Variants in HS3ST5 observed in about 807,000 individuals in gnomAD.
The protein encoded by HS3ST5 is heparan sulfate-glucosamine 3-sulfotransferase 5.
In HS3ST5, 10 loss-of-function variants were observed where a neutral mutation model predicts 25.4. That is an observed-to-expected ratio of 0.39 (90% CI 0.24 to 0.67). The LOEUF is 0.67. HS3ST5 is among the 30% of genes least tolerant of loss of function. HS3ST5 has a pLI of 0.44. For missense variants in HS3ST5, 324 were observed against 420.7 expected (o/e 0.77, Z 2.01); for synonymous variants, 170 against 162.4 (o/e 1.05, Z -0.36).
intron 1 of HS3ST5, among the ~76,000 whole-genome samples, chr6:114,290,703 GA>G (rs1288914917): frequency 6.6e-6 from 1 of 152,024 alleles, no homozygotes; most frequent in Admixed American, 6.5e-5. Flanking sequence ...GGCTCATTGG[GA>G]ACACATTTTT....
chr6:114,135,233 C>G (rs138317799), intron 3 of HS3ST5, among the ~76,000 whole-genome samples: 2 of 152,300 alleles, frequency 1.3e-5, no homozygotes, highest in African/African-American at 4.8e-5. Flanking sequence ...TTTCCTACAC[C>G]CTGATCATTC....
chr6:114,098,527 T>C (rs1775560294), intron 3 of HS3ST5, among the ~76,000 whole-genome samples: 1 of 148,506 alleles, frequency 6.7e-6, no homozygotes, highest in Admixed American at 6.7e-5. Context: ...TATTTATCAC[T>C]ATCAAATATA....
intron 2 of HS3ST5, among the ~76,000 whole-genome samples, chr6:114,208,849 A>T (rs1283420482): frequency 6.6e-6 from 1 of 152,148 alleles, no homozygotes; most frequent in African/African-American, 2.4e-5. Flanking sequence ...GTTCATTGTA[A>T]ATCATGATGC....
At chr6:114,325,249 G>C (rs560689236) in intron 1 of HS3ST5, among the ~76,000 whole-genome samples, 4 of 152,268 alleles carry the variant, frequency 2.6e-5, no homozygotes, top group African/African-American at 9.6e-5. Context: ...TAGTTACTCA[G>C]TCACAATTGA....
chr6:114,176,557 GT>G (rs1779732613), intron 2 of HS3ST5, among the ~76,000 whole-genome samples: 1 of 152,142 alleles, frequency 6.6e-6, no homozygotes. Flanking sequence ...CAAGGGTTAT[GT>G]ATACATGCAT....
At chr6:114,079,149 G>T (rs915140468) in intron 3 of HS3ST5, among the ~76,000 whole-genome samples, 3 of 152,146 alleles carry the variant, frequency 2.0e-5, no homozygotes, top group African/African-American at 7.2e-5. Flanking sequence ...GATCAAAATT[G>T]GGGTAGCTGT....
chr6:114,239,787 A>G (rs533443820), intron 1 of HS3ST5, among the ~76,000 whole-genome samples: 1 of 152,256 alleles, frequency 6.6e-6, no homozygotes, highest in East Asian at 1.9e-4. Context: ...GGGGCTTAAT[A>G]TCCAGAAATA....
At chr6:114,222,743 T>C (rs1582732296) in intron 2 of HS3ST5, among the ~76,000 whole-genome samples, 1 of 151,790 alleles carries the variant, frequency 6.6e-6, no homozygotes, top group Non-Finnish European at 1.5e-5. Context: ...GGCTGTAAAA[T>C]GTTAGCTAAG....
At chr6:114,288,483 T>C (rs1490173491) in intron 1 of HS3ST5, among the ~76,000 whole-genome samples, 8 of 152,130 alleles carry the variant, frequency 5.3e-5, no homozygotes, top group African/African-American at 1.2e-4. Context: ...TTATTTGCTA[T>C]CTTTCCTTTT....
At chr6:114,141,722 T>G (rs1201859247) in intron 3 of HS3ST5, among the ~76,000 whole-genome samples, 2 of 152,162 alleles carry the variant, frequency 1.3e-5, no homozygotes, top group Non-Finnish European at 2.9e-5. Flanking sequence ...TAGGGGCTGT[T>G]TGGAAGGCGA....
chr6:114,174,727 G>A (rs1335773907), intron 2 of HS3ST5, among the ~76,000 whole-genome samples: 1 of 152,102 alleles, frequency 6.6e-6, no homozygotes, highest in Non-Finnish European at 1.5e-5. Flanking sequence ...GGGCACGGTG[G>A]CTCACTCCTG....
chr6:114,224,862 A>G (rs890836738), intron 2 of HS3ST5, among the ~76,000 whole-genome samples: 1 of 151,656 alleles, frequency 6.6e-6, no homozygotes, highest in Non-Finnish European at 1.5e-5. Flanking sequence ...TAAATATTCA[A>G]TGCTTGCAAT....
chr6:114,128,078 C>A (rs1052971768), intron 3 of HS3ST5, among the ~76,000 whole-genome samples: 1 of 151,952 alleles, frequency 6.6e-6, no homozygotes, highest in Admixed American at 6.6e-5. Flanking sequence ...TCAGACTATA[C>A]CCTGAACTCA....
rs902493823 is a variant in HS3ST5, at chr6:114,342,846, CG to C, written c.-991del. The C allele has an allele frequency of 1.3e-5, 2 of 152,904 alleles. No homozygotes were observed. The highest frequency in any genetic ancestry group is 4.8e-5 in the African/African-American group (2 of 41,574). 9.5% of individuals were successfully genotyped at this position (152,904 alleles called of 1,614,324 possible). A position where few individuals can be genotyped will look rare whatever the true frequency, so the allele number is the denominator to read the frequency against. On this transcript the variant is annotated 5_prime_UTR_variant, in exon 1 of 5. Coordinates refer to ENST00000312719, the MANE Select transcript of HS3ST5 (RefSeq NM_153612.4). ...CCGGTGCCAAGCTGTGCGGGCGCCC[CG>C]CTCCCCGCGGCTGGCGCTGTCACGG...
chr6:114,106,769 C>T (rs991969201), intron 3 of HS3ST5, among the ~76,000 whole-genome samples: 3 of 152,014 alleles, frequency 2.0e-5, no homozygotes, highest in African/African-American at 7.2e-5. Flanking sequence ...AGACAAGGTT[C>T]TGAGAACACA....
chr6:114,210,068 C>T (rs181933916), intron 2 of HS3ST5, among the ~76,000 whole-genome samples: 172 of 151,912 alleles, frequency 1.1e-3, no homozygotes, highest in Non-Finnish European at 2.1e-3. Flanking sequence ...TCATCCAAGG[C>T]AAAAAATGTA....
intron 3 of HS3ST5, among the ~76,000 whole-genome samples, chr6:114,064,927 C>T (rs961116598): frequency 6.6e-6 from 1 of 151,970 alleles, no homozygotes; most frequent in Admixed American, 6.5e-5. Context: ...AAAGGCTCGG[C>T]TTGTTTAAGA....
chr6:114,084,361 G>C, intron 3 of HS3ST5: 1 of 757,270 alleles, frequency 1.3e-6, no homozygotes, highest in East Asian at 2.4e-5. Context: ...AGCTGAATCA[G>C]TCCATTCACC....
At chr6:114,143,727 A>T (rs1054596721) in intron 3 of HS3ST5, 10 of 152,288 alleles carry the variant, frequency 6.6e-5, no homozygotes, top group African/African-American at 2.4e-4. Context: ...TGTGCCTGAC[A>T]CAGTCTCACA....
Sources: gnomAD v4.1 joint callset for allele counts (sites outside exome capture counted in the v4.1 genomes callset) on GRCh38, gnomAD v4.1.1 for gene constraint, MANE v1.5 for transcripts, NCBI Gene and HGNC (gene_info 2026-07-23, HGNC 2026-07-21) for gene names.